Variants in DMXL1 observed in about 807,000 individuals in gnomAD.
DMXL1 encodes Dmx like 1.
DMXL1 carries 99 observed loss-of-function variants against 319.2 expected under a neutral mutation model. The ratio of observed to expected loss-of-function variants is 0.31; its 90% confidence interval spans 0.26 to 0.37. The LOEUF is 0.37. DMXL1 is among the 10% of genes least tolerant of loss of function. The probability of loss-of-function intolerance (pLI) is 1.00; values close to 1 mark genes in which losing one functional copy is unlikely to be tolerated. For synonymous variants in DMXL1, 1,385 were observed against 1,235.2 expected, an observed-to-expected ratio of 1.12 and a Z score of -2.54; for missense variants, 3,745 against 3,595.6, an observed-to-expected ratio of 1.04 and a Z score of -1.06.
chr5:119,189,990 GT>G, intron 29 of DMXL1, 104 bp downstream of exon 29: 1 of 1,191,810 alleles, frequency 8.4e-7, no homozygotes, highest in Non-Finnish European at 1.2e-6. Context: ...TCCCACTTTG[GT>G]TTAGAAAATT....
At chr5:119,127,095 GT>G (rs1437067064) in intron 9 of DMXL1, 4 of 162,802 alleles carry the variant, frequency 2.5e-5, no homozygotes, top group Non-Finnish European at 5.9e-5. Context: ...TATTCTTGTT[GT>G]TTTCAACTCC....
At chr5:119,197,656 TCCTGCA>T in intron 31 of DMXL1, 93 bp from the exon 32 acceptor site, 3 of 1,053,304 alleles carry the variant, frequency 2.8e-6, no homozygotes, top group African/African-American at 1.6e-5. Flanking sequence ...TTTTTTTTTT[TCCTGCA>T]TCTGCTCTCC....
At chr5:119,158,205 GTTTT>G (rs762291035) in intron 19 of DMXL1, among the ~76,000 whole-genome samples, 2 of 129,030 alleles carry the variant, frequency 1.6e-5, no homozygotes, top group Admixed American at 7.8e-5. Flanking sequence ...TATTTCTAAG[GTTTT>G]TTTTTTTTTT....
At chr5:119,178,694 A>T in intron 28 of DMXL1, 2 of 979,918 alleles carry the variant, frequency 2.0e-6, no homozygotes, top group Non-Finnish European at 2.4e-6. Flanking sequence ...TGCAGGCAAG[A>T]TATGAGCTTT....
At position 119,143,783 on chromosome 5, in the gene DMXL1, T is replaced by C. The variant is rs1767930305; in HGVS notation, c.2377-58T>C. 3 of 1,162,382 alleles carry C rather than the reference T, an allele frequency of 2.6e-6. No homozygotes were observed. In the South Asian group the frequency reaches 4.6e-5, roughly 18 times the overall value. The allele number at this position is 1,162,382 out of a possible 1,614,324, so 72.0% of individuals were successfully genotyped here. ...TCTGTTATGCTTGAAATTTTGTTAT[T>C]TACTCTTATTTGCATATGAATTGTT... On this transcript the variant is annotated intron_variant, in intron 13 of 43. Coordinates refer to ENST00000539542, the MANE Select transcript of DMXL1 (RefSeq NM_001290321.3).
rs1432988857 is a variant in DMXL1 at position 119,189,935 on chromosome 5, G to A, written c.7314+49G>A. ...AATATTTTCATAGTCAAATAGAAAT[G>A]AGAATATCAGAAATAAGTGTCATTT... On this transcript the variant is annotated intron_variant, in intron 29 of 43. Transcript: ENST00000539542. 4 of 1,521,968 alleles carry A rather than the reference G, an allele frequency of 2.6e-6. 1 individual carries two copies. The highest frequency in any genetic ancestry group is 3.6e-6 in the Non-Finnish European group (4 of 1,117,016). 94.3% of individuals were successfully genotyped at this position (1,521,968 alleles called of 1,614,324 possible).
chr5:119,081,668 C>G, intron 1 of DMXL1: 1 of 985,260 alleles, frequency 1.0e-6, no homozygotes, highest in African/African-American at 1.7e-5. Flanking sequence ...GATTGAAGAC[C>G]AACTTAGACT....
In DMXL1 at chr5:119,150,088, T is replaced by C; in HGVS notation, c.4261T>C (p.Ser1421Pro). 6.2e-7 allele frequency: 1 copy of C among 1,612,934 alleles called. No individual in the cohort carries two copies. Among genetic ancestry groups the C allele is most frequent in the Non-Finnish European group, 8.5e-7 (1 of 1,179,340 alleles). Residue 1421 changes from serine to proline, a missense_variant, in exon 18 of 44, where the codon TCA becomes CCA. Coordinates refer to ENST00000539542, the MANE Select transcript of DMXL1 (RefSeq NM_001290321.3). ...LLAADDDSCY[S>P]SLEKSSNEST... The stretch of plus-strand genomic sequence containing the variant: ...TGCAGCAGATGATGATAGCTGTTAC[T>C]CATCTTTGGAGAAATCTAGTAATGA...
At chr5:119,235,316 A>C (rs568101889) in intron 39 of DMXL1, among the ~76,000 whole-genome samples, 130 of 152,276 alleles carry the variant, frequency 8.5e-4, no homozygotes, top group African/African-American at 3.1e-3. Flanking sequence ...CAACAAGAAC[A>C]TGCTAGCATT....
Position 119,149,031 on chromosome 5 carries a change from T to C in DMXL1, c.3204T>C (p.Ser1068=). Residue 1068 remains serine, a synonymous_variant, in exon 18 of 44, where the codon AGT becomes AGC. Coordinates refer to ENST00000539542, the MANE Select transcript of DMXL1 (RefSeq NM_001290321.3). ...CTTATAAGCAGCCTGCATCTAATAG[T>C]AGATCTTCCCAGGACTTTGTGATGC... ...AVAYKQPASN[S]RSSQDFVMHV... The C allele has an allele frequency of 6.2e-7, 1 of 1,613,930 alleles. No homozygotes were observed.
At chr5:119,217,009 TTTTG>T in intron 35 of DMXL1, 22 bp downstream of exon 35, 2 of 1,310,290 alleles carry the variant, frequency 1.5e-6, no homozygotes, top group East Asian at 2.6e-5. Context: ...GACATTCTTC[TTTTG>T]TTTATTAAGT....
intron 1 of DMXL1, among the ~76,000 whole-genome samples, chr5:119,072,148 T>A (rs553186389): frequency 8.5e-5 from 13 of 152,336 alleles, no homozygotes; most frequent in African/African-American, 2.9e-4. Context: ...GTTTTTCATT[T>A]ATTTTCTTTT....
chr5:119,148,951 G>C lies in DMXL1; in HGVS notation c.3124G>C (p.Val1042Leu), dbSNP rs868549763. 4 of 1,613,930 alleles carry C rather than the reference G, an allele frequency of 2.5e-6. No individual in the cohort carries two copies. The Middle Eastern group carries it at 6.6e-4, about 266-fold the overall frequency. Reference protein sequence around the residue: ...DGLQSNSSITVPGRPVEVSCA... With the variant: ...DGLQSNSSITLPGRPVEVSCA... ...ACTTCAGAGCAATAGTAGTATAACTGTACCTGGTAGGCCTGTAGAAGTTAG... is the reference window on the plus strand; with the variant it reads ...ACTTCAGAGCAATAGTAGTATAACTCTACCTGGTAGGCCTGTAGAAGTTAG... The change falls in exon 18 of 44, where the codon GTA (valine) becomes CTA (leucine). Residue 1042 changes from valine to leucine, a missense_variant. This residue lies in a region of DMXL1 where 2,096 missense variants were observed against 1,985.4 expected (regional missense o/e 1.06). Coordinates refer to ENST00000539542, the MANE Select transcript of DMXL1 (RefSeq NM_001290321.3).
At chr5:119,114,609 A>G (rs112308479) in intron 6 of DMXL1, 68 bp downstream of exon 6, 21 of 984,640 alleles carry the variant, frequency 2.1e-5, no homozygotes, top group East Asian at 2.0e-4. Context: ...AAAAACATCA[A>G]CTGGCTTCAT....
rs190009029 is a variant in DMXL1 at position 119,136,920 on chromosome 5, A to G, written c.2376+2531A>G. On this transcript the variant is annotated intron_variant, in intron 13 of 43. Transcript: ENST00000539542. ...ATGCAGAGGGAGAAAGTGGAGTTGG[A>G]GCGTCCCACAGAGTCCCCACTGGGG... Among the ~76,000 whole-genome samples, 236 of 152,368 alleles carry G rather than the reference A, an allele frequency of 1.5e-3. 1 individual carries two copies. The highest frequency in any genetic ancestry group is 6.8e-3 in the Middle Eastern group (2 of 294).
intron 38 of DMXL1, among the ~76,000 whole-genome samples, chr5:119,231,182 T>A (rs963220817): frequency 2.6e-5 from 4 of 152,210 alleles, no homozygotes; most frequent in Non-Finnish European, 4.4e-5. Flanking sequence ...AAAACTTCCC[T>A]GTTGTGGCCA....
chr5:119,198,361 A>C (rs1436116957), intron 32 of DMXL1, among the ~76,000 whole-genome samples: 2 of 152,174 alleles, frequency 1.3e-5, no homozygotes, highest in Non-Finnish European at 2.9e-5. Context: ...CAACCCTGCC[A>C]TTGTAGAATA....
At chr5:119,093,904 C>T (rs1317473278) in intron 1 of DMXL1, among the ~76,000 whole-genome samples, 1 of 152,328 alleles carries the variant, frequency 6.6e-6, no homozygotes, top group Non-Finnish European at 1.5e-5. Context: ...AGGACCCTAA[C>T]TCTTCTCAAT....
chr5:119,180,200 G>A (rs1345942515), intron 28 of DMXL1, among the ~76,000 whole-genome samples: 1 of 152,184 alleles, frequency 6.6e-6, no homozygotes, highest in African/African-American at 2.4e-5. Context: ...AATATTTTGG[G>A]AGATAGAGTT....
Sources: gnomAD v4.1 joint callset for allele counts (sites outside exome capture counted in the v4.1 genomes callset) on GRCh38, gnomAD v4.1.1 for gene constraint, gnomAD v4.1.1 regional missense constraint, MANE v1.5 for transcripts, NCBI Gene and HGNC (gene_info 2026-07-23, HGNC 2026-07-21) for gene names.